TUBGCP2: variants seen among roughly 807,000 people sequenced by gnomAD.
TUBGCP2 encodes the protein tubulin gamma complex component 2, also known as gamma-tubulin complex component 2.
In TUBGCP2, 55 loss-of-function variants were observed where a neutral mutation model predicts 92.2. The ratio of observed to expected loss-of-function variants is 0.60; its 90% CI spans 0.48 to 0.75. TUBGCP2 has a LOEUF of 0.75. Among genes scored for constraint, TUBGCP2 ranks in the 30% least tolerant of loss-of-function variants. TUBGCP2 has a pLI of 0.00. For synonymous variants in TUBGCP2, 533 were observed against 505.2 expected, an observed-to-expected ratio of 1.06 and a Z score of -0.74; for missense variants, 1,093 against 1,188.9, an observed-to-expected ratio of 0.92 and a Z score of 1.19.
chr10:133,293,374 C>T, intron 6 of TUBGCP2, 136 bp from the exon 7 acceptor site: 1 of 1,247,568 alleles, frequency 8.0e-7, no homozygotes, highest in Non-Finnish European at 1.1e-6. Flanking sequence ...ACTTTTGCCC[C>T]AGGAGGAGAT....
At chr10:133,311,299 T>G (rs1014206900), upstream of TUBGCP2, among the ~76,000 whole-genome samples, 2 of 152,222 alleles carry the variant, frequency 1.3e-5, no homozygotes, top group African/African-American at 2.4e-5. Flanking sequence ...TGTAAAGTAA[T>G]TGTCTCCTTT....
chr10:133,285,732 T>G lies in TUBGCP2; in HGVS notation c.1723-104A>C. 9.2e-7 allele frequency: 1 copy of G among 1,090,244 alleles called. No homozygotes were observed. Among genetic ancestry groups the G allele is most frequent in the South Asian group, 2.5e-5 (1 of 39,840 alleles). 67.5% of individuals were successfully genotyped at this position (1,090,244 alleles called of 1,614,324 possible). On this transcript the variant is annotated intron_variant, in intron 11 of 17. Transcript: ENST00000252936. This position sits in a 1 kb window ranked among gnomAD's most constrained non-coding sequence, Gnocchi z 6.8. ...TCACAGACCCAGCGCTGACGTAAGG[T>G]TCCCTACATTCCGATTCTAAATATC...
rs375209512 is a variant in TUBGCP2, at chr10:133,302,987, G to A, written c.-39-7C>T. On this transcript the variant is annotated splice_region_variant and splice_polypyrimidine_tract_variant and intron_variant, in intron 1 of 17. Coordinates refer to ENST00000252936, the MANE Select transcript of TUBGCP2 (RefSeq NM_006659.4). ...AACATCACAATATGTTCTCCTATAG[G>A]TAAGAAGACAGCTATTCATAAAATT... is the stretch of plus-strand genomic sequence containing the variant. 3.1e-6 allele frequency: 5 copies of A among 1,607,554 alleles called. No homozygotes were observed. Among genetic ancestry groups the A allele is most frequent in the Non-Finnish European group, 3.4e-6 (4 of 1,174,490 alleles).
chr10:133,286,807 G>A (rs1236390552), intron 11 of TUBGCP2, among the ~76,000 whole-genome samples: 1 of 152,212 alleles, frequency 6.6e-6, no homozygotes, highest in African/African-American at 2.4e-5. Flanking sequence ...CAAGAAATCA[G>A]AGGGAATCAG....
intron 5 of TUBGCP2, chr10:133,297,205 C>A: frequency 3.4e-6 from 1 of 298,140 alleles, no homozygotes; most frequent in Non-Finnish European, 6.5e-6. Flanking sequence ...AGTTCGAGAC[C>A]AGTCTGGCCA....
At chr10:133,306,562 C>T (rs1462516657) in intron 1 of TUBGCP2, among the ~76,000 whole-genome samples, 1 of 152,030 alleles carries the variant, frequency 6.6e-6, no homozygotes, top group Non-Finnish European at 1.5e-5. Flanking sequence ...CCAAGGTGGG[C>T]GGATCATGAG....
At position 133,289,664 on chromosome 10, in the gene TUBGCP2, C is replaced by T. The variant is rs1233980973; in HGVS notation, c.1360+160G>A. Among the ~76,000 whole-genome samples the T allele has an allele frequency of 2.0e-5, 3 of 152,194 alleles. No homozygotes were observed. The East Asian group carries it at 5.8e-4, about 29-fold the overall frequency. On this transcript the variant is annotated intron_variant, in intron 9 of 17. Coordinates refer to ENST00000252936, the MANE Select transcript of TUBGCP2 (RefSeq NM_006659.4). Reference sequence around the variant, plus strand: ...GCCTAACTCAGCGCCGCAGCCCAGCCCACGGGCCAGTCCTGACCTCAGCCC... The same window carrying T: ...GCCTAACTCAGCGCCGCAGCCCAGCTCACGGGCCAGTCCTGACCTCAGCCC...
At chr10:133,289,315 C>T (rs1164051716) in intron 9 of TUBGCP2, among the ~76,000 whole-genome samples, 2 of 152,204 alleles carry the variant, frequency 1.3e-5, no homozygotes, top group African/African-American at 4.8e-5. Flanking sequence ...TAACCAAGGG[C>T]ACAGAAATAA....
At chr10:133,281,907 T>C (rs1846990426) in intron 16 of TUBGCP2, among the ~76,000 whole-genome samples, 1 of 152,206 alleles carries the variant, frequency 6.6e-6, no homozygotes, top group African/African-American at 2.4e-5. Flanking sequence ...AGCCTGACGG[T>C]TCTAACTCAG....
intron 16 of TUBGCP2, among the ~76,000 whole-genome samples, chr10:133,281,971 T>C (rs968898622): frequency 6.6e-6 from 1 of 152,262 alleles, no homozygotes. Context: ...CCAGGCGCCC[T>C]GCACAGCGCT....
At chr10:133,311,367 A>G (rs1463035453), upstream of TUBGCP2, among the ~76,000 whole-genome samples, 2 of 152,250 alleles carry the variant, frequency 1.3e-5, no homozygotes, top group Non-Finnish European at 1.5e-5. Flanking sequence ...CATTCGTATT[A>G]TGGAAGAGAC....
rs775787563 is a variant in TUBGCP2 at position 133,285,258 on chromosome 10, C to T, written c.1896-45G>A. 100 of 1,607,214 alleles carry T rather than the reference C, an allele frequency of 6.2e-5. 1 individual carries two copies. In the South Asian group the frequency reaches 6.4e-4, roughly 10 times the overall value. On this transcript the variant is annotated intron_variant, in intron 12 of 17. Transcript: ENST00000252936. This position sits in a 1 kb window ranked among gnomAD's most constrained non-coding sequence, Gnocchi z 6.8. Reference sequence around the variant, plus strand: ...ACCTCAGGTGGGCCTCCGTGACCGGCGGCGTCGTGGACACGGCGTCTGTAC... The same window carrying T: ...ACCTCAGGTGGGCCTCCGTGACCGGTGGCGTCGTGGACACGGCGTCTGTAC...
chr10:133,311,203 A>T (rs1166907494), upstream of TUBGCP2, among the ~76,000 whole-genome samples: 1 of 152,246 alleles, frequency 6.6e-6, no homozygotes, highest in Admixed American at 6.5e-5. Flanking sequence ...TTCAGACTCT[A>T]CATTTTCTCA....
intron 5 of TUBGCP2, among the ~76,000 whole-genome samples, chr10:133,294,753 C>A (rs2136128704): frequency 6.6e-6 from 1 of 152,254 alleles, no homozygotes; most frequent in Admixed American, 6.5e-5. Context: ...GGAGCTGGGA[C>A]CACTGGCACG....
In TUBGCP2 at chr10:133,279,499, C is replaced by CT; in HGVS notation, c.*266dup. The stretch of plus-strand genomic sequence containing the variant: ...CTGGCTTAAACACCATGTATTTCCA[C>CT]TTTGAGGCCAAAAACACCCAAAAAG... On this transcript the variant is annotated 3_prime_UTR_variant, in exon 18 of 18. Coordinates refer to ENST00000252936, the MANE Select transcript of TUBGCP2 (RefSeq NM_006659.4). 1 of 499,758 alleles carries CT rather than the reference C, an allele frequency of 2.0e-6. No homozygotes were observed. The highest frequency in any genetic ancestry group is 3.8e-5 in the East Asian group (1 of 26,168). 31.0% of individuals were successfully genotyped at this position (499,758 alleles called of 1,614,324 possible). A position where few individuals can be genotyped will look rare whatever the true frequency, so the allele number is the denominator to read the frequency against.
chr10:133,312,140 C>A, upstream of TUBGCP2: 6 of 1,437,230 alleles, frequency 4.2e-6, no homozygotes, highest in Non-Finnish European at 5.4e-6. Flanking sequence ...TCAGTCACAA[C>A]CCAGGCGTCT....
chr10:133,311,557 A>C, upstream of TUBGCP2: 1 of 617,908 alleles, frequency 1.6e-6, no homozygotes, highest in South Asian at 2.0e-5. Flanking sequence ...TCCTTTTCCC[A>C]GTATCTTAAA....
chr10:133,284,426 G>T (rs986285437), intron 13 of TUBGCP2, among the ~76,000 whole-genome samples: 1 of 152,166 alleles, frequency 6.6e-6, no homozygotes. Context: ...GCAGTGGCAC[G>T]ATCTTGGCTC....
intron 8 of TUBGCP2, among the ~76,000 whole-genome samples, chr10:133,291,347 ATGTCCCTCCGTGTCCCCGTGTCCCTCCG>A (rs1217599190): frequency 3.6e-4 from 1 of 2,750 alleles, no homozygotes; most frequent in Admixed American, 3.9e-3. Context: ...CGTGTCCCCC[ATGTCCCTCCGTGTCCCCGTGTCCCTCCG>A]TGTCCCCGTG....
Sources: gnomAD v4.1 joint callset for allele counts (sites outside exome capture counted in the v4.1 genomes callset) on GRCh38, gnomAD v4.1.1 for gene constraint, Gnocchi (gnomAD v3.1) non-coding constraint, MANE v1.5 for transcripts, NCBI Gene and HGNC (gene_info 2026-07-23, HGNC 2026-07-21) for gene names.